AGXT: variants seen among roughly 807,000 people sequenced by gnomAD.
The protein encoded by AGXT is L-alanine: glyoxylate aminotransferase 1.
AGXT carries 41 observed loss-of-function variants against 46.9 expected under a neutral mutation model. The ratio of observed to expected loss-of-function variants is 0.88; its 90% CI spans 0.68 to 1.14. The LOEUF (loss-of-function observed/expected upper bound fraction) is 1.14. Among genes scored for constraint, AGXT ranks in the 50% most tolerant of loss-of-function variants. The probability of loss-of-function intolerance (pLI) is 0.00; values close to 1 mark genes in which losing one functional copy is unlikely to be tolerated. For missense variants in AGXT, 525 were observed against 522.7 expected, an observed-to-expected ratio of 1.00 and a Z score of -0.04; for synonymous variants, 244 against 227.9, an observed-to-expected ratio of 1.07 and a Z score of -0.64.
rs756164729 is a variant in AGXT at position 240,875,931 on chromosome 2, C to T, written c.777-4C>T. On this transcript the variant is annotated splice_polypyrimidine_tract_variant and splice_region_variant and intron_variant, in intron 7 of 10. Coordinates refer to ENST00000307503, the MANE Select transcript of AGXT (RefSeq NM_000030.3). ...GCTGGACCAAGCCCCCTCGTGTCTT[C>T]CAGGTACCATCACACAATCCCCGTC... The T allele has an allele frequency of 5.0e-6, 8 of 1,614,200 alleles. No individual in the cohort carries two copies. In the South Asian group the frequency reaches 7.7e-5, roughly 16 times the overall value.
chr2:240,872,319 ACATGG>A (rs2058995530), intron 4 of AGXT, among the ~76,000 whole-genome samples: 2 of 133,210 alleles, frequency 1.5e-5, no homozygotes, highest in Non-Finnish European at 3.2e-5. Context: ...GAGTTCGTGA[ACATGG>A]AGGAGGAGGA....
intron 6 of AGXT, among the ~76,000 whole-genome samples, 199 bp downstream of exon 6, chr2:240,874,261 G>A (rs974955005): frequency 7.2e-5 from 11 of 152,054 alleles, no homozygotes; most frequent in Admixed American, 3.9e-4. Context: ...GGGGAGGGCT[G>A]CAGGCGTGTG....
chr2:240,875,814 G>A lies in AGXT; in HGVS notation c.777-121G>A, dbSNP rs534285623. The A allele has an allele frequency of 3.4e-5, 38 of 1,107,722 alleles. No individual in the cohort carries two copies. In the East Asian group the frequency reaches 3.5e-4, roughly 10 times the overall value. 68.6% of individuals were successfully genotyped at this position (1,107,722 alleles called of 1,614,324 possible). On this transcript the variant is annotated intron_variant, in intron 7 of 10. Transcript: ENST00000307503. ...CTGAACCCGGACAGGACTCCTCTGC[G>A]GAGGATACCGGCCTGTGGTCAGAGA...
At position 240,879,532 on chromosome 2, in the gene AGXT, G is replaced by A. The variant is rs991864208; in HGVS notation, c.*711G>A. On this transcript the variant is annotated 3_prime_UTR_variant, in exon 11 of 11. Coordinates refer to ENST00000307503, the MANE Select transcript of AGXT (RefSeq NM_000030.3). Reference sequence around the variant, plus strand: ...TGAATTTATTTATTTATTTTGAAACGGAGTTTCACTCTTGTTGCCCAGGCT... The same window carrying A: ...TGAATTTATTTATTTATTTTGAAACAGAGTTTCACTCTTGTTGCCCAGGCT... The A allele has an allele frequency of 9.2e-5, 14 of 152,474 alleles. No homozygotes were observed. Among genetic ancestry groups the A allele is most frequent in the African/African-American group, 1.4e-4 (6 of 41,422 alleles). 9.4% of individuals were successfully genotyped at this position (152,474 alleles called of 1,614,324 possible). A position where few individuals can be genotyped will look rare whatever the true frequency, so the allele number is the denominator to read the frequency against.
rs1230001326 is a variant in AGXT, at chr2:240,869,381, T to G, written c.358+19T>G. 3.1e-5 allele frequency: 48 copies of G among 1,562,108 alleles called. No individual in the cohort carries two copies. Among genetic ancestry groups the G allele is most frequent in the Non-Finnish European group, 4.0e-5 (46 of 1,152,508 alleles). ...CGCATAGGTAAGGGAGAGGCCCAGGTGGGGATGGCCCTGGATCCATCCTTC... is the reference window on the plus strand; with the variant it reads ...CGCATAGGTAAGGGAGAGGCCCAGGGGGGGATGGCCCTGGATCCATCCTTC... On this transcript the variant is annotated intron_variant, in intron 2 of 10. Coordinates refer to ENST00000307503, the MANE Select transcript of AGXT (RefSeq NM_000030.3).
At chr2:240,871,902 G>A (rs181449585) in intron 4 of AGXT, among the ~76,000 whole-genome samples, 5 of 152,362 alleles carry the variant, frequency 3.3e-5, no homozygotes, top group South Asian at 2.1e-4. Flanking sequence ...GAGCCCCTTG[G>A]GACCCAGCAG....
Position 240,874,074 on chromosome 2 carries a change from A to C in AGXT, c.680+12A>C. 6.2e-7 allele frequency: 1 copy of C among 1,612,108 alleles called. No individual in the cohort carries two copies. Among genetic ancestry groups the C allele is most frequent in the Non-Finnish European group, 8.5e-7 (1 of 1,178,842 alleles). ...AGTGACAAGGCCAAGTGAGTGACCC[A>C]CAGACCCTCACCTCTGTGCAGGGCT... On this transcript the variant is annotated intron_variant, in intron 6 of 10. Coordinates refer to ENST00000307503, the MANE Select transcript of AGXT (RefSeq NM_000030.3).
At chr2:240,873,475 GCAGGGAAC>G in intron 5 of AGXT, 1 of 263,722 alleles carries the variant, frequency 3.8e-6, no homozygotes, top group Non-Finnish European at 7.3e-6. Flanking sequence ...GGGTCACCTC[GCAGGGAAC>G]CTCAACCAGG....
chr2:240,872,805 G>A (rs1315779519), intron 4 of AGXT, among the ~76,000 whole-genome samples, 174 bp from the exon 5 acceptor site: 1 of 152,130 alleles, frequency 6.6e-6, no homozygotes, highest in Admixed American at 6.5e-5. Context: ...CACAGGTCCT[G>A]ATGGATCCTG....
chr2:240,875,577 T>G (rs147749283), intron 7 of AGXT, among the ~76,000 whole-genome samples: 1,840 of 152,342 alleles, frequency 0.012, 34 homozygotes, highest in African/African-American at 0.04. Flanking sequence ...GCCCCTTATG[T>G]TACACACAGG....
chr2:240,871,410 T>G lies in AGXT; in HGVS notation c.485T>G (p.Val162Gly). 6.2e-7 allele frequency: 1 copy of G among 1,600,342 alleles called. No homozygotes were observed. The highest frequency in any genetic ancestry group is 2.3e-5 in the East Asian group (1 of 44,274). ...FLTHGESSTGVLQPLDGFGEL... is the reference protein window; with the variant it reads ...FLTHGESSTGGLQPLDGFGEL... ...ACCCACGGGGAGTCGTCCACCGGCG[T>G]GCTGCAGCCCCTTGATGGCTTCGGG... Residue 162 changes from valine to glycine, a missense_variant, in exon 4 of 11, where the codon GTG (valine) becomes GGG (glycine). By Grantham distance (109) the Val-to-Gly change is moderately radical (BLOSUM62 -3). Coordinates refer to ENST00000307503, the MANE Select transcript of AGXT (RefSeq NM_000030.3).
intron 4 of AGXT, among the ~76,000 whole-genome samples, chr2:240,872,657 CT>C (rs1418708261): frequency 6.6e-6 from 1 of 152,086 alleles, no homozygotes; most frequent in Admixed American, 6.5e-5. Flanking sequence ...CCCGCTGTCC[CT>C]GGGAACCACA....
chr2:240,879,126 G>A lies in AGXT; in HGVS notation c.*305G>A. 2.0e-6 allele frequency: 1 copy of A among 499,540 alleles called. No individual in the cohort carries two copies. Among genetic ancestry groups the A allele is most frequent in the East Asian group, 3.7e-5 (1 of 27,252 alleles). 30.9% of individuals were successfully genotyped at this position (499,540 alleles called of 1,614,324 possible). On this transcript the variant is annotated 3_prime_UTR_variant, in exon 11 of 11. Coordinates refer to ENST00000307503, the MANE Select transcript of AGXT (RefSeq NM_000030.3). Reference sequence around the variant, plus strand: ...GCCTGGCCAACTCTCCTCACTGTGTGGGGTGGTCTGTGAAAGAGTGAGAGG... The same window carrying A: ...GCCTGGCCAACTCTCCTCACTGTGTAGGGTGGTCTGTGAAAGAGTGAGAGG...
chr2:240,870,559 C>A (rs2058985629), intron 2 of AGXT, 85 bp from the exon 3 acceptor site: 2 of 1,494,426 alleles, frequency 1.3e-6, no homozygotes, highest in Admixed American at 3.9e-5. Flanking sequence ...CCTCACAGGG[C>A]CCTGCTCAGC....
In AGXT at chr2:240,869,116, C is replaced by T. The variant is rs180177179; in HGVS notation, c.166-54C>T. ...GGACGAGGGAAGGGGGTCACTGCCT[C>T]CTCACTTGGGGAGGCGGGGAGCCTG... is the stretch of plus-strand genomic sequence containing the variant. On this transcript the variant is annotated intron_variant, in intron 1 of 10. Coordinates refer to ENST00000307503, the MANE Select transcript of AGXT (RefSeq NM_000030.3). 1 of 1,612,422 alleles carries T rather than the reference C, an allele frequency of 6.2e-7. No individual in the cohort carries two copies. Among genetic ancestry groups the T allele is most frequent in the Non-Finnish European group, 8.5e-7 (1 of 1,179,342 alleles).
chr2:240,874,266 C>T (rs74000072), intron 6 of AGXT, among the ~76,000 whole-genome samples: 6 of 152,164 alleles, frequency 3.9e-5, no homozygotes, highest in Non-Finnish European at 7.4e-5. Context: ...GGGCTGCAGG[C>T]GTGTGCAGGG....
rs144281627 is a variant in AGXT, at chr2:240,879,420, C to T, written c.*599C>T. On this transcript the variant is annotated 3_prime_UTR_variant, in exon 11 of 11. Transcript: ENST00000307503. ...TGAGCCCATGACACGTGGAAGCCTC[C>T]AATGGAAGGTCCCCTATGCTCCCAT... The T allele has an allele frequency of 7.8e-3, 1,214 of 156,230 alleles. 7 individuals carry two copies. Among genetic ancestry groups the T allele is most frequent in the African/African-American group, 0.026 (1,102 of 41,614 alleles). 9.7% of individuals were successfully genotyped at this position (156,230 alleles called of 1,614,324 possible). A position where few individuals can be genotyped will look rare whatever the true frequency, so the allele number is the denominator to read the frequency against.
chr2:240,879,076 G>A lies in AGXT; in HGVS notation c.*255G>A. ...ATGAGCTGCAGTCCCCAGGCCATGAGCCTCCCGGGAATGTTTAATAAAGGG... is the reference window on the plus strand; with the variant it reads ...ATGAGCTGCAGTCCCCAGGCCATGAACCTCCCGGGAATGTTTAATAAAGGG... On this transcript the variant is annotated 3_prime_UTR_variant, in exon 11 of 11. Transcript: ENST00000307503. 1.7e-6 allele frequency: 1 copy of A among 582,746 alleles called. No individual in the cohort carries two copies. Among genetic ancestry groups the A allele is most frequent in the East Asian group, 2.9e-5 (1 of 34,826 alleles). The allele number at this position is 582,746 out of a possible 1,614,324, so 36.1% of individuals were successfully genotyped here.
At chr2:240,877,774 G>T in intron 9 of AGXT, 142 bp downstream of exon 9, 1 of 1,049,484 alleles carries the variant, frequency 9.5e-7, no homozygotes, top group Non-Finnish European at 1.4e-6. Context: ...CCAGGGATTA[G>T]TCTCGGCAGG....
Sources: allele counts gnomAD v4.1 joint callset (sites outside exome capture counted in the v4.1 genomes callset), GRCh38; gene constraint gnomAD v4.1.1; transcripts MANE v1.5; gene names NCBI Gene and HGNC (gene_info 2026-07-23, HGNC 2026-07-21).